Variants in NBAS observed in about 807,000 individuals in gnomAD.
NBAS encodes the protein NBAS subunit of NRZ tethering complex, also known as NAG/BC035112 fusion.
In NBAS, 219 loss-of-function variants were observed where a neutral mutation model predicts 302.5. The ratio of observed to expected loss-of-function variants is 0.72; its 90% CI spans 0.65 to 0.81. NBAS has a LOEUF of 0.81. Ranked by LOEUF, NBAS falls within the 30% of genes least tolerant of loss-of-function variation. The pLI, the probability that NBAS is intolerant of heterozygous loss-of-function variation, is 0.00. For synonymous variants in NBAS, 1,118 were observed against 1,021.6 expected, an observed-to-expected ratio of 1.09 and a Z score of -1.80; for missense variants, 2,932 against 2,841.6, an observed-to-expected ratio of 1.03 and a Z score of -0.72.
chr2:15,407,999 A>G (rs1444173283), intron 25 of NBAS, among the ~76,000 whole-genome samples: 1 of 152,154 alleles, frequency 6.6e-6, no homozygotes, highest in African/African-American at 2.4e-5. Flanking sequence ...ACAATCTGAC[A>G]ATTCTATAGC....
intron 48 of NBAS, among the ~76,000 whole-genome samples, chr2:15,214,063 G>A (rs1313331594): frequency 2.0e-5 from 3 of 152,268 alleles, no homozygotes; most frequent in African/African-American, 7.2e-5. Context: ...ATTATTCCAA[G>A]CAAATCATTT....
At chr2:15,050,751 G>A in the NBAS span, among the ~76,000 whole-genome samples, 387 of 152,148 alleles carry the variant, frequency 2.5e-3, 5 homozygotes, top group African/African-American at 6.8e-3. Flanking sequence ...CCTGGAACCC[G>A]GGTTCCATCT....
the NBAS span, among the ~76,000 whole-genome samples, chr2:14,839,835 C>T: frequency 1.1e-4 from 16 of 152,108 alleles, no homozygotes; most frequent in South Asian, 1.7e-3. Flanking sequence ...ACAAAGAAGA[C>T]TAGAATAAAT....
At chr2:15,377,435 G>T (rs1372900426) in intron 30 of NBAS, among the ~76,000 whole-genome samples, 1 of 152,136 alleles carries the variant, frequency 6.6e-6, no homozygotes, top group African/African-American at 2.4e-5. Context: ...ATTCCACTTT[G>T]CATTATCCAT....
chr2:15,294,504 A>G (rs1339247388), intron 40 of NBAS, among the ~76,000 whole-genome samples: 1 of 152,094 alleles, frequency 6.6e-6, no homozygotes, highest in Non-Finnish European at 1.5e-5. Flanking sequence ...ACATTTAACT[A>G]AATCCCTTTT....
chr2:15,307,478 G>A (rs1671081121), intron 40 of NBAS, among the ~76,000 whole-genome samples: 2 of 152,140 alleles, frequency 1.3e-5, no homozygotes, highest in African/African-American at 4.8e-5. Context: ...ATAAAATCTG[G>A]ACCTTGGATT....
At chr2:15,544,169 CCAAGT>C (rs1663990978) in intron 6 of NBAS, among the ~76,000 whole-genome samples, 3 of 152,124 alleles carry the variant, frequency 2.0e-5, no homozygotes, top group African/African-American at 7.2e-5. Context: ...TTCTTTACTT[CCAAGT>C]CAAGTCAAGA....
the NBAS span, among the ~76,000 whole-genome samples, chr2:14,822,776 T>C: frequency 6.6e-6 from 1 of 152,254 alleles, no homozygotes; most frequent in Non-Finnish European, 1.5e-5. Context: ...GATTGTAGTT[T>C]GTTGTTGTTT....
At chr2:15,478,731 C>A (rs1334112619) in intron 12 of NBAS, among the ~76,000 whole-genome samples, 1 of 152,098 alleles carries the variant, frequency 6.6e-6, no homozygotes, top group Non-Finnish European at 1.5e-5. Flanking sequence ...ACCTCCTAGT[C>A]CTTTTTATGA....
the NBAS span, among the ~76,000 whole-genome samples, chr2:15,120,182 T>C: frequency 7.9e-5 from 12 of 152,342 alleles, no homozygotes; most frequent in African/African-American, 2.6e-4. Context: ...GACATAGTTA[T>C]AGGAAAGCAC....
chr2:15,223,216 T>TA (rs1667023865), intron 47 of NBAS, among the ~76,000 whole-genome samples: 1 of 152,202 alleles, frequency 6.6e-6, no homozygotes, highest in Non-Finnish European at 1.5e-5. Flanking sequence ...CAGTCACTCT[T>TA]ACGGTTCAGC....
chr2:15,473,106 C>A (rs1402174341), intron 16 of NBAS, 116 bp downstream of exon 16: 6 of 1,177,948 alleles, frequency 5.1e-6, no homozygotes, highest in Admixed American at 2.1e-5. Context: ...AATTGTACTT[C>A]ATTGGCTGTA....
intron 44 of NBAS, among the ~76,000 whole-genome samples, chr2:15,273,969 C>A (rs1475170122): frequency 1.3e-5 from 2 of 151,762 alleles, no homozygotes; most frequent in Non-Finnish European, 1.5e-5. Flanking sequence ...GTAGTCCCAG[C>A]TACTCAGCCT....
At chr2:15,431,701 T>A (rs1022077780) in intron 21 of NBAS, among the ~76,000 whole-genome samples, 1 of 152,190 alleles carries the variant, frequency 6.6e-6, no homozygotes, top group East Asian at 1.9e-4. Flanking sequence ...GGTATGCTTA[T>A]ACAGAATCTA....
chr2:14,782,411 C>T, the NBAS span, among the ~76,000 whole-genome samples: 1 of 152,248 alleles, frequency 6.6e-6, no homozygotes, highest in East Asian at 1.9e-4. Context: ...CAATGAAATA[C>T]CATCTCACAC....
At chr2:15,441,618 C>T (rs1347791916) in intron 21 of NBAS, among the ~76,000 whole-genome samples, 2 of 150,430 alleles carry the variant, frequency 1.3e-5, no homozygotes, top group African/African-American at 4.9e-5. Flanking sequence ...AAATAACCAG[C>T]TAACATCATA....
At position 15,255,181 on chromosome 2, in the gene NBAS, C is replaced by T. The variant is rs114646930; in HGVS notation, c.5725-16495G>A. Among the ~76,000 whole-genome samples, 1,348 of 152,278 alleles carry T rather than the reference C, an allele frequency of 8.9e-3. 9 individuals are homozygous for T. Among genetic ancestry groups the T allele is most frequent in the Non-Finnish European group, 0.015 (1,004 of 68,032 alleles). On this transcript the variant is annotated intron_variant, in intron 44 of 51. Coordinates refer to ENST00000281513, the MANE Select transcript of NBAS (RefSeq NM_015909.4). Reference sequence around the variant, plus strand: ...TGGTTGTACTAGTTTACATTCCCACCAGCAGTGTAAAGATGTTCCCTTTTC... The same window carrying T: ...TGGTTGTACTAGTTTACATTCCCACTAGCAGTGTAAAGATGTTCCCTTTTC...
At chr2:15,139,768 AT>A in the NBAS span, among the ~76,000 whole-genome samples, 6 of 152,148 alleles carry the variant, frequency 3.9e-5, no homozygotes, top group Non-Finnish European at 8.8e-5. Flanking sequence ...CACTAAGGAC[AT>A]TGGTTCCATT....
chr2:14,782,560 G>T, the NBAS span, among the ~76,000 whole-genome samples: 1 of 152,104 alleles, frequency 6.6e-6, no homozygotes, highest in African/African-American at 2.4e-5. Context: ...ATTCCCCAAA[G>T]AGCTAAAAAC....
Sources: allele counts gnomAD v4.1 joint callset (sites outside exome capture counted in the v4.1 genomes callset), GRCh38; gene constraint gnomAD v4.1.1; transcripts MANE v1.5; gene names NCBI Gene and HGNC (gene_info 2026-07-23, HGNC 2026-07-21).